Variants in WDR47 observed in about 807,000 individuals in gnomAD.
The protein encoded by WDR47 is WD repeat domain 47.
A neutral mutation model predicts 97.2 loss-of-function variants in WDR47; 32 were observed. That is an observed-to-expected ratio of 0.33 (90% CI 0.25 to 0.44). The LOEUF is 0.44. Among genes scored for constraint, WDR47 ranks in the 20% least tolerant of loss-of-function variants. The probability of loss-of-function intolerance (pLI) is 1.00; values close to 1 mark genes in which losing one functional copy is unlikely to be tolerated. For synonymous variants in WDR47, 375 were observed against 373.5 expected, an observed-to-expected ratio of 1.00 and a Z score of -0.05; for missense variants, 782 against 1,102.3, an observed-to-expected ratio of 0.71 and a Z score of 4.11.
At chr1:108,979,207 G>GT (rs1359263495) in intron 13 of WDR47, among the ~76,000 whole-genome samples, 1 of 152,106 alleles carries the variant, frequency 6.6e-6, no homozygotes, top group African/African-American at 2.4e-5. Context: ...TAAATTAGTG[G>GT]TAAGTGTATA....
intron 6 of WDR47, 45 bp downstream of exon 6, chr1:109,004,547 A>T: frequency 1.3e-6 from 2 of 1,561,068 alleles, no homozygotes; most frequent in South Asian, 1.2e-5. Context: ...ATTACTTCTT[A>T]CAAAGAGAAT....
chr1:109,003,033 T>C (rs568812090), intron 6 of WDR47, among the ~76,000 whole-genome samples: 1 of 152,136 alleles, frequency 6.6e-6, no homozygotes, highest in Non-Finnish European at 1.5e-5. Context: ...CACCTGCAAG[T>C]GTATGTTTAT....
intron 3 of WDR47, 107 bp from the exon 4 acceptor site, chr1:109,014,032 A>T: frequency 4.0e-6 from 3 of 740,804 alleles, no homozygotes; most frequent in Non-Finnish European, 6.6e-6. Flanking sequence ...CAAATAATTT[A>T]CTAGGCTTCT....
At chr1:109,015,982 CAAA>C (rs67794185) in intron 3 of WDR47, among the ~76,000 whole-genome samples, 8 of 98,948 alleles carry the variant, frequency 8.1e-5, no homozygotes, top group Admixed American at 1.1e-4. Flanking sequence ...GACTCCATCT[CAAA>C]AAAAAAAAAA....
rs1292289201 is a variant in WDR47 at position 109,032,225 on chromosome 1, T to C, written c.-9-8704A>G. ...TAACAATTCACATGATAAAAACGAT[T>C]TTCTGGCCAGGCGCAGTGGCTCATG... On this transcript the variant is annotated intron_variant, in intron 1 of 14. Transcript: ENST00000369962. Among the ~76,000 whole-genome samples the C allele has an allele frequency of 8.6e-5, 12 of 139,614 alleles. 1 individual carries two copies. Among genetic ancestry groups the C allele is most frequent in the African/African-American group, 3.1e-4 (12 of 39,038 alleles). The allele number at this position is 139,614 out of a possible 152,430, so 91.6% of individuals were successfully genotyped here. A position where few individuals can be genotyped will look rare whatever the true frequency, so the allele number is the denominator to read the frequency against.
intron 1 of WDR47, chr1:109,030,312 A>C (rs930812282): frequency 9.6e-7 from 1 of 1,046,958 alleles, no homozygotes; most frequent in African/African-American, 1.6e-5. Context: ...AGGAAGAAGC[A>C]GCACTAAAAG....
chr1:108,992,527 G>A (rs565762893), intron 8 of WDR47: 1 of 1,508,474 alleles, frequency 6.6e-7, no homozygotes, highest in African/African-American at 1.4e-5. Context: ...CACAAGGTCG[G>A]TGGCCCAAAA....
intron 2 of WDR47, among the ~76,000 whole-genome samples, chr1:109,020,625 G>C (rs1209600999): frequency 2.0e-5 from 3 of 151,948 alleles, no homozygotes; most frequent in Admixed American, 2.0e-4. Context: ...CCTCAGACCA[G>C]TAAAATTTCA....
In WDR47 at chr1:109,011,142, G is replaced by A; in HGVS notation, c.904C>T (p.Pro302Ser). Residue 302 changes from proline to serine, a missense_variant, in exon 5 of 15, where the codon CCT becomes TCT. Around this residue, in one of 3 missense-constraint regions of WDR47, gnomAD observed 428 missense variants for 584.3 expected, o/e 0.73. Coordinates refer to ENST00000369962, the MANE Select transcript of WDR47 (RefSeq NM_001142551.2). ...GTCATATAGGCATCAGCTGATTGAGGTCTTCTCATTGGGGATGATGGATAG... is the reference window on the plus strand; with the variant it reads ...GTCATATAGGCATCAGCTGATTGAGATCTTCTCATTGGGGATGATGGATAG... ...SPYPSSPMRR[P>S]QSADAYMTRS... is the part of the protein sequence containing the mutation. 1 of 1,614,166 alleles carries A rather than the reference G, an allele frequency of 6.2e-7. No homozygotes were observed. Among genetic ancestry groups the A allele is most frequent in the Non-Finnish European group, 8.5e-7 (1 of 1,180,034 alleles).
intron 12 of WDR47, 57 bp from the exon 13 acceptor site, chr1:108,981,921 T>C (rs1376213853): frequency 6.4e-7 from 1 of 1,565,316 alleles, no homozygotes. Context: ...CCATAACATA[T>C]TCAAAGCTAA....
At chr1:108,995,005 A>T (rs1659645254) in intron 8 of WDR47, among the ~76,000 whole-genome samples, 1 of 152,212 alleles carries the variant, frequency 6.6e-6, no homozygotes, top group Non-Finnish European at 1.5e-5. Flanking sequence ...TACATTTTTT[A>T]ATGAACCACC....
At chr1:109,010,022 A>G (rs752597642) in intron 5 of WDR47, among the ~76,000 whole-genome samples, 1 of 151,942 alleles carries the variant, frequency 6.6e-6, no homozygotes, top group Non-Finnish European at 1.5e-5. Flanking sequence ...AAAACAAAAA[A>G]ACATACTCAT....
chr1:109,015,875 C>G (rs1276976231), intron 3 of WDR47, among the ~76,000 whole-genome samples: 1 of 149,664 alleles, frequency 6.7e-6, no homozygotes, highest in Non-Finnish European at 1.5e-5. Flanking sequence ...CCCAGCTGCT[C>G]GGGAGGCTGA....
chr1:109,034,398 G>A (rs1160437071), intron 1 of WDR47, among the ~76,000 whole-genome samples: 1 of 152,128 alleles, frequency 6.6e-6, no homozygotes, highest in Non-Finnish European at 1.5e-5. Flanking sequence ...TTGTAATAGA[G>A]AAAAATTAGA....
intron 13 of WDR47, among the ~76,000 whole-genome samples, chr1:108,980,379 G>A (rs2101807499): frequency 6.6e-6 from 1 of 151,956 alleles, no homozygotes; most frequent in South Asian, 2.1e-4. Flanking sequence ...TAGAATACAA[G>A]GCAGATCTTT....
At chr1:109,041,500 G>T (rs898712668) in intron 1 of WDR47, 1 of 152,294 alleles carries the variant, frequency 6.6e-6, no homozygotes, top group Non-Finnish European at 1.5e-5. Context: ...AATCGGCGCA[G>T]CGGCGAGATG....
chr1:108,971,439 G>C lies in WDR47; in HGVS notation c.2751C>G (p.Tyr917Ter). The C allele has an allele frequency of 6.2e-7, 1 of 1,614,212 alleles. No individual in the cohort carries two copies. The highest frequency in any genetic ancestry group is 1.1e-5 in the South Asian group (1 of 91,076). ...SADRTVTLWT[Y>*]NG ...TGACATGCGGTGTGCTCTACCCATT[G>C]TAAGTCCAGAGGGTGACAGTTCTAT... Residue 917 changes from tyrosine to a stop codon, truncating the protein, a stop_gained, in exon 15 of 15, where the codon TAC (tyrosine) becomes TAG (stop). Coordinates refer to ENST00000369962, the MANE Select transcript of WDR47 (RefSeq NM_001142551.2). LOFTEE classifies it high-confidence loss of function.
Position 108,995,757 on chromosome 1 carries a change from T to C in WDR47, c.1514A>G (p.Asn505Ser), listed in dbSNP as rs952392169. Reference protein sequence around the residue: ...NEVSALNQQCNGSKGNGSNGS... With the variant: ...NEVSALNQQCSGSKGNGSNGS... ...ATTAGATCCATTGCCTTTGCTCCCA[T>C]TACATTGCTGGTTGAGTGCTGATAC... The change falls in exon 8 of 15, where the codon AAT becomes AGT. Residue 505 changes from asparagine to serine, a missense_variant. By Grantham distance (46) the Asn-to-Ser change is conservative (BLOSUM62 1). Around this residue, in one of 3 missense-constraint regions of WDR47, gnomAD observed 126 missense variants for 121.3 expected, o/e 1.04. Transcript: ENST00000369962. The C allele has an allele frequency of 9.3e-6, 15 of 1,614,048 alleles. No homozygotes were observed. The highest frequency in any genetic ancestry group is 4.0e-5 in the African/African-American group (3 of 74,918).
intron 1 of WDR47, among the ~76,000 whole-genome samples, chr1:109,028,819 C>T (rs1360162985): frequency 6.6e-6 from 1 of 152,022 alleles, no homozygotes; most frequent in Non-Finnish European, 1.5e-5. Context: ...TTTAATAATA[C>T]ATATATAATT....
Sources: gnomAD v4.1 joint callset for allele counts (sites outside exome capture counted in the v4.1 genomes callset) on GRCh38, gnomAD v4.1.1 for gene constraint, gnomAD v4.1.1 regional missense constraint, MANE v1.5 for transcripts, NCBI Gene and HGNC (gene_info 2026-07-23, HGNC 2026-07-21) for gene names.